Variants in AMPD3 observed in about 807,000 individuals in gnomAD.
AMPD3 encodes the protein adenosine monophosphate deaminase 3, also known as AMP deaminase 3.
AMPD3 carries 57 observed loss-of-function variants against 82.3 expected under a neutral mutation model. The observed-to-expected ratio is 0.69, with a 90% CI of 0.56 to 0.86. The LOEUF is 0.86. Among genes scored for constraint, AMPD3 ranks in the 40% least tolerant of loss-of-function variants. AMPD3 has a pLI of 0.00. For synonymous variants in AMPD3, 381 were observed against 394.7 expected, an observed-to-expected ratio of 0.97 and a Z score of 0.41; for missense variants, 870 against 1,003.8, an observed-to-expected ratio of 0.87 and a Z score of 1.80.
intron 2 of AMPD3, among the ~76,000 whole-genome samples, chr11:10,462,847 C>G (rs1483004060): frequency 6.6e-6 from 1 of 152,156 alleles, no homozygotes; most frequent in Non-Finnish European, 1.5e-5. Flanking sequence ...AGCTATGTGG[C>G]CTTCCAGATA....
At chr11:10,491,795 G>C (rs943755417) in intron 6 of AMPD3, among the ~76,000 whole-genome samples, 1 of 152,214 alleles carries the variant, frequency 6.6e-6, no homozygotes, top group African/African-American at 2.4e-5. Flanking sequence ...TGGGGTCAGA[G>C]ATGGAGAGTC....
chr11:10,461,566 A>G lies in AMPD3; in HGVS notation c.47A>G (p.Gln16Arg). ...PKLNISEVDE[Q>R]VRLLAEKVFA... is the part of the protein sequence containing the mutation. ...CTGAACATCTCTGAAGTGGATGAGC[A>G]AGTCCGGCTCCTGGCGGAGAAGGTG... The change falls in exon 2 of 15, where the codon CAA (glutamine) becomes CGA (arginine). Residue 16 changes from glutamine (Q) to arginine (R), a missense_variant. Physicochemically the swap from Gln to Arg is conservative, Grantham distance 43. Transcript: ENST00000396553. The G allele has an allele frequency of 6.2e-7, 1 of 1,614,228 alleles. No homozygotes were observed. Among genetic ancestry groups the G allele is most frequent in the Non-Finnish European group, 8.5e-7 (1 of 1,180,038 alleles).
chr11:10,478,927 T>C (rs1469831255), intron 3 of AMPD3, among the ~76,000 whole-genome samples, 197 bp downstream of exon 3: 1 of 150,506 alleles, frequency 6.6e-6, no homozygotes, highest in African/African-American at 2.4e-5. Context: ...TGGCTGCCTG[T>C]TCCCCGTGAG....
chr11:10,480,037 C>G (rs1272031389), intron 3 of AMPD3: 2 of 859,760 alleles, frequency 2.3e-6, no homozygotes, highest in African/African-American at 3.7e-5. Context: ...GGGAGGATGT[C>G]AGCCTGTAGC....
chr11:10,484,727 G>A, intron 4 of AMPD3, 93 bp from the exon 5 acceptor site: 2 of 1,500,254 alleles, frequency 1.3e-6, no homozygotes, highest in Non-Finnish European at 9.3e-7. Context: ...TGGATTTTGG[G>A]CAGGAAGGCC....
chr11:10,490,529 C>A (rs527380439), intron 6 of AMPD3: 1 of 985,366 alleles, frequency 1.0e-6, no homozygotes, highest in Admixed American at 6.1e-5. Flanking sequence ...TAGGTGAACA[C>A]GGGGAATGCA....
At chr11:10,480,380 T>C (rs1003219626) in intron 3 of AMPD3, among the ~76,000 whole-genome samples, 3 of 152,200 alleles carry the variant, frequency 2.0e-5, no homozygotes, top group African/African-American at 7.2e-5. Flanking sequence ...AGGATGTCGG[T>C]GTCTGCTCAC....
At chr11:10,475,166 G>C (rs1380913374) in intron 2 of AMPD3, among the ~76,000 whole-genome samples, 3 of 152,164 alleles carry the variant, frequency 2.0e-5, no homozygotes, top group African/African-American at 7.2e-5. Context: ...CAAAGCAGGA[G>C]CAGGCGTCTT....
intron 2 of AMPD3, among the ~76,000 whole-genome samples, chr11:10,463,962 G>A (rs1232839136): frequency 6.6e-6 from 1 of 152,162 alleles, no homozygotes; most frequent in Non-Finnish European, 1.5e-5. Context: ...CATCAGGGTG[G>A]CTGCAACTTC....
upstream of AMPD3, among the ~76,000 whole-genome samples, chr11:10,451,464 T>C (rs1441280674): frequency 6.6e-6 from 1 of 152,222 alleles, no homozygotes; most frequent in Non-Finnish European, 1.5e-5. Context: ...GTTTGAGGCC[T>C]TCATCCTTAC....
At chr11:10,499,440 A>G in intron 10 of AMPD3, 1 of 152,110 alleles carries the variant, frequency 6.6e-6, no homozygotes. Context: ...CTGGCCTCGA[A>G]CTCCTGACCT....
At chr11:10,469,444 A>C (rs1319902685) in intron 2 of AMPD3, among the ~76,000 whole-genome samples, 2 of 152,232 alleles carry the variant, frequency 1.3e-5, no homozygotes, top group South Asian at 2.1e-4. Context: ...AGTCTAAACC[A>C]GGAAGAAGTT....
intron 2 of AMPD3, among the ~76,000 whole-genome samples, chr11:10,469,428 C>T (rs547848827): frequency 1.9e-4 from 29 of 152,298 alleles, no homozygotes; most frequent in African/African-American, 7.0e-4. Flanking sequence ...TGCATACACT[C>T]TCCCAAGTCT....
At chr11:10,497,750 G>A (rs1442146726) in intron 10 of AMPD3, 1 of 985,154 alleles carries the variant, frequency 1.0e-6, no homozygotes, top group Non-Finnish European at 1.2e-6. Flanking sequence ...TGAGAGTCAG[G>A]GGCCTGCCTG....
chr11:10,454,982 C>T (rs889967463), upstream of AMPD3: 18 of 251,476 alleles, frequency 7.2e-5, no homozygotes, highest in Admixed American at 2.0e-4. Flanking sequence ...AGCAGCAGCC[C>T]GAGGATCATG....
At chr11:10,500,692 C>CG in intron 11 of AMPD3, 2 of 985,384 alleles carry the variant, frequency 2.0e-6, no homozygotes, top group Non-Finnish European at 2.4e-6. Flanking sequence ...CAAATCACTG[C>CG]ATCTGGCATG....
upstream of AMPD3, chr11:10,450,688 C>G: frequency 9.5e-7 from 1 of 1,056,492 alleles, no homozygotes; most frequent in Non-Finnish European, 1.1e-6. Flanking sequence ...CCCTGCTGCT[C>G]TCAAGTTTCC....
chr11:10,473,134 G>A (rs1470789525), intron 2 of AMPD3, among the ~76,000 whole-genome samples: 1 of 152,196 alleles, frequency 6.6e-6, no homozygotes, highest in Non-Finnish European at 1.5e-5. Context: ...GCTGGGCATG[G>A]TGGTGTGCGC....
rs74799561 is a variant in AMPD3 at position 10,481,784 on chromosome 11, G to A, written c.427-279G>A. 3.1e-4 allele frequency: 145 copies of A among 472,570 alleles called. 2 individuals are homozygous for A. The highest frequency in any genetic ancestry group is 2.2e-3 in the East Asian group (52 of 23,684). The allele number at this position is 472,570 out of a possible 1,614,324, so 29.3% of individuals were successfully genotyped here. ...TACCAGGGAAGCTCATTAGAGATTCGGTGCCCAGGGTTTTCACTGGGGCTG... is the reference window on the plus strand; with the variant it reads ...TACCAGGGAAGCTCATTAGAGATTCAGTGCCCAGGGTTTTCACTGGGGCTG... On this transcript the variant is annotated intron_variant, in intron 3 of 14. Transcript: ENST00000396553.
Sources: gnomAD v4.1 joint callset for allele counts (sites outside exome capture counted in the v4.1 genomes callset) on GRCh38, gnomAD v4.1.1 for gene constraint, MANE v1.5 for transcripts, NCBI Gene and HGNC (gene_info 2026-07-23, HGNC 2026-07-21) for gene names.